Variants in PTPRG observed in about 807,000 individuals in gnomAD.
PTPRG encodes the protein protein tyrosine phosphatase receptor type G.
In PTPRG, 102 loss-of-function variants were observed where a neutral mutation model predicts 165.3. The observed-to-expected ratio is 0.62, with a 90% CI of 0.53 to 0.73. PTPRG has a LOEUF of 0.73. Ranked by LOEUF, PTPRG falls within the 30% of genes least tolerant of loss-of-function variation. The probability of loss-of-function intolerance (pLI) is 0.00; values close to 1 mark genes in which losing one functional copy is unlikely to be tolerated. For missense variants in PTPRG, 1,866 were observed against 1,861.4 expected, an observed-to-expected ratio of 1.00 and a Z score of -0.05; for synonymous variants, 675 against 669.5, an observed-to-expected ratio of 1.01 and a Z score of -0.13.
At chr3:62,290,626 A>G (rs1702850890) in intron 28 of PTPRG, among the ~76,000 whole-genome samples, 1 of 152,128 alleles carries the variant, frequency 6.6e-6, no homozygotes, top group South Asian at 2.1e-4. Context: ...AGGCTTGCAT[A>G]TATAAGAATG....
intron 6 of PTPRG, among the ~76,000 whole-genome samples, chr3:62,140,854 A>C (rs1703900761): frequency 8.8e-6 from 1 of 113,160 alleles, no homozygotes; most frequent in South Asian, 3.0e-4. Flanking sequence ...TCGGTCTCAA[A>C]AAAAAAAAAA....
chr3:62,039,047 G>T (rs754656334), intron 4 of PTPRG, among the ~76,000 whole-genome samples: 1 of 152,166 alleles, frequency 6.6e-6, no homozygotes, highest in African/African-American at 2.4e-5. Flanking sequence ...CAATTCTCTT[G>T]CTTCAGCCTC....
At chr3:62,286,674 A>C (rs1194917726) in intron 28 of PTPRG, among the ~76,000 whole-genome samples, 5 of 152,134 alleles carry the variant, frequency 3.3e-5, no homozygotes, top group African/African-American at 1.2e-4. Flanking sequence ...TTTTTTCTTA[A>C]CATCACTAGT....
At chr3:62,083,231 C>G (rs1175517771) in intron 5 of PTPRG, among the ~76,000 whole-genome samples, 1 of 150,988 alleles carries the variant, frequency 6.6e-6, no homozygotes, top group Non-Finnish European at 1.5e-5. Context: ...TTGGTTGGTG[C>G]AATAGTAATC....
chr3:62,067,552 A>T (rs764544654), intron 4 of PTPRG, among the ~76,000 whole-genome samples: 5 of 152,156 alleles, frequency 3.3e-5, no homozygotes, highest in Non-Finnish European at 7.3e-5. Context: ...TAATTTTACA[A>T]TGTATAATTG....
chr3:62,256,277 A>G (rs1371492200), intron 16 of PTPRG, among the ~76,000 whole-genome samples: 1 of 152,192 alleles, frequency 6.6e-6, no homozygotes, highest in Admixed American at 6.5e-5. Context: ...TGAGAAATAA[A>G]AACAGGATGA....
chr3:61,949,262 A>T (rs1378491156), intron 2 of PTPRG, among the ~76,000 whole-genome samples: 1 of 152,240 alleles, frequency 6.6e-6, no homozygotes, highest in Non-Finnish European at 1.5e-5. Context: ...TTAAATGAAC[A>T]GATGGAAAAA....
chr3:61,741,483 A>C (rs757827052), intron 1 of PTPRG, among the ~76,000 whole-genome samples: 1 of 152,196 alleles, frequency 6.6e-6, no homozygotes, highest in African/African-American at 2.4e-5. Context: ...CTATTCTCCC[A>C]GGCTTCTAAG....
At chr3:62,046,880 C>G (rs1700309378) in intron 4 of PTPRG, among the ~76,000 whole-genome samples, 3 of 152,172 alleles carry the variant, frequency 2.0e-5, no homozygotes. Context: ...ACAACTACTA[C>G]CATTTATGGG....
intron 1 of PTPRG, among the ~76,000 whole-genome samples, chr3:61,575,763 C>A (rs934828832): frequency 6.6e-6 from 1 of 152,026 alleles, no homozygotes; most frequent in Non-Finnish European, 1.5e-5. Flanking sequence ...CCACGCCCGG[C>A]TAATTTTTAT....
chr3:62,168,166 A>G lies in PTPRG; in HGVS notation c.1033+3A>G. 1.2e-6 allele frequency: 2 copies of G among 1,605,950 alleles called. No individual in the cohort carries two copies. Among genetic ancestry groups the G allele is most frequent in the Non-Finnish European group, 1.7e-6 (2 of 1,175,954 alleles). On this transcript the variant is annotated splice_donor_region_variant and intron_variant, in intron 8 of 29. Coordinates refer to ENST00000474889, the MANE Select transcript of PTPRG (RefSeq NM_002841.4). Reference sequence around the variant, plus strand: ...ACTGGGGACAGAAGCCTCTAAAGGTATATTTGGCTTAAGTGCCTTGCCCAG... The same window carrying G: ...ACTGGGGACAGAAGCCTCTAAAGGTGTATTTGGCTTAAGTGCCTTGCCCAG...
chr3:61,589,835 A>G (rs1244121985), intron 1 of PTPRG, among the ~76,000 whole-genome samples: 1 of 152,122 alleles, frequency 6.6e-6, no homozygotes, highest in East Asian at 1.9e-4. Context: ...TGATGCCTAA[A>G]CTCAGCATGG....
chr3:62,218,783 T>G, intron 12 of PTPRG, 68 bp from the exon 13 acceptor site: 3 of 1,532,060 alleles, frequency 2.0e-6, no homozygotes, highest in Non-Finnish European at 2.7e-6. Flanking sequence ...GGAACAGAAC[T>G]CTGCATCAAT....
intron 2 of PTPRG, among the ~76,000 whole-genome samples, chr3:61,819,094 CTTT>C (rs1295475167): frequency 6.6e-6 from 1 of 151,550 alleles, no homozygotes; most frequent in South Asian, 2.1e-4. Flanking sequence ...TCTTGTGAAA[CTTT>C]TTTTTTCTTT....
chr3:61,990,201 A>G (rs1319000710), intron 3 of PTPRG, among the ~76,000 whole-genome samples: 1 of 151,840 alleles, frequency 6.6e-6, no homozygotes, highest in Non-Finnish European at 1.5e-5. Flanking sequence ...CCTCAGTTGT[A>G]TTAGGTACAT....
At chr3:61,972,622 C>T (rs925967080) in intron 2 of PTPRG, among the ~76,000 whole-genome samples, 7 of 151,458 alleles carry the variant, frequency 4.6e-5, no homozygotes, top group African/African-American at 1.7e-4. Context: ...TCTTCCCTCC[C>T]CTCCCCTCTT....
At chr3:61,647,791 CAAAAAAAAA>C (rs58020589) in intron 1 of PTPRG, among the ~76,000 whole-genome samples, 1 of 93,154 alleles carries the variant, frequency 1.1e-5, no homozygotes, top group Non-Finnish European at 2.1e-5. Flanking sequence ...GACTCCGTCT[CAAAAAAAAA>C]AAAAAAAAAA....
chr3:62,003,077 A>T (rs1375184729), intron 3 of PTPRG, among the ~76,000 whole-genome samples: 7 of 147,454 alleles, frequency 4.7e-5, no homozygotes, highest in Admixed American at 2.0e-4. Context: ...CATTGTTTCC[A>T]TTTTTTTTTT....
At chr3:62,046,866 A>G (rs1382610730) in intron 4 of PTPRG, among the ~76,000 whole-genome samples, 1 of 152,212 alleles carries the variant, frequency 6.6e-6, no homozygotes. Context: ...AAAGTATGCT[A>G]GTAACAACTA....
Sources: allele counts gnomAD v4.1 joint callset (sites outside exome capture counted in the v4.1 genomes callset), GRCh38; gene constraint gnomAD v4.1.1; transcripts MANE v1.5; gene names NCBI Gene and HGNC (gene_info 2026-07-23, HGNC 2026-07-21).